Variants in WDR7 observed in about 807,000 individuals in gnomAD.
WDR7 encodes WD repeat domain 7, also known as WD repeat-containing protein 7.
Under a neutral mutation model 169.4 loss-of-function variants are expected in WDR7, and 46 were observed. The observed-to-expected ratio is 0.27, with a 90% CI of 0.21 to 0.35. WDR7 has a LOEUF of 0.35. Among genes scored for constraint, WDR7 ranks in the 10% least tolerant of loss-of-function variants. The pLI is 1.00. For missense variants in WDR7, 1,534 were observed against 1,859.3 expected (o/e 0.83, Z 3.22); for synonymous variants, 612 against 666.8 (o/e 0.92, Z 1.27).
At chr18:56,819,051 T>A (rs577786488) in intron 20 of WDR7, among the ~76,000 whole-genome samples, 1 of 152,254 alleles carries the variant, frequency 6.6e-6, no homozygotes, top group African/African-American at 2.4e-5. Flanking sequence ...AGATAACAAT[T>A]AAAATATGAG....
chr18:56,741,352 T>C (rs1005245912), intron 14 of WDR7, among the ~76,000 whole-genome samples: 4 of 152,198 alleles, frequency 2.6e-5, no homozygotes, highest in Admixed American at 2.6e-4. Flanking sequence ...AAATAATCTT[T>C]TGTCATTTTT....
chr18:56,981,479 A>T lies in WDR7; in HGVS notation c.4164+18950A>T, dbSNP rs182234472. On this transcript the variant is annotated intron_variant, in intron 26 of 27. Transcript: ENST00000254442. The stretch of plus-strand genomic sequence containing the variant: ...GATGTATTTAGAGCTATGGCAACAG[A>T]TAAATGTAGAGTGAGAAGAAAATAG... 5.9e-5 allele frequency among the ~76,000 whole-genome samples: 9 copies of T among 152,250 alleles called. No homozygotes were observed. In the Middle Eastern group the frequency reaches 0.014, roughly 230 times the overall value.
At chr18:56,721,685 C>T (rs1167513720) in intron 13 of WDR7, 2 of 152,204 alleles carry the variant, frequency 1.3e-5, no homozygotes, top group Non-Finnish European at 2.9e-5. Context: ...TATGCAGTGC[C>T]ATTCTCACAG....
intron 26 of WDR7, among the ~76,000 whole-genome samples, chr18:56,986,128 TTG>T (rs60449836): frequency 0.18 from 23,942 of 135,958 alleles, 2,013 homozygotes; most frequent in African/African-American, 0.19. Flanking sequence ...TTCAGCTTCT[TTG>T]TGTGTGTGTG....
chr18:56,721,126 G>A (rs1465635428), intron 13 of WDR7, among the ~76,000 whole-genome samples: 1 of 152,012 alleles, frequency 6.6e-6, no homozygotes, highest in Non-Finnish European at 1.5e-5. Flanking sequence ...AAACTCTGAG[G>A]AGATACTTGA....
At chr18:56,855,092 G>A (rs958524006) in intron 20 of WDR7, among the ~76,000 whole-genome samples, 2 of 152,026 alleles carry the variant, frequency 1.3e-5, no homozygotes, top group African/African-American at 2.4e-5. Context: ...TCTATCCAAC[G>A]CTTGACATTT....
intron 3 of WDR7, among the ~76,000 whole-genome samples, chr18:56,680,424 A>T (rs1447095289): frequency 6.6e-5 from 10 of 152,224 alleles, no homozygotes; most frequent in Non-Finnish European, 1.3e-4. Flanking sequence ...TCACTGGAAC[A>T]AAAAGAAGCA....
chr18:56,683,611 C>T (rs879464757), intron 5 of WDR7, among the ~76,000 whole-genome samples: 111 of 152,154 alleles, frequency 7.3e-4, no homozygotes, highest in Non-Finnish European at 1.2e-3. Flanking sequence ...CCATGCTAAG[C>T]ATTTACATAT....
At chr18:56,806,084 T>TC (rs78273744) in intron 19 of WDR7, among the ~76,000 whole-genome samples, 6,877 of 152,278 alleles carry the variant, frequency 0.045, 216 homozygotes, top group Middle Eastern at 0.095. Context: ...ATGTATTTCT[T>TC]CCTCTTCCCA....
At chr18:57,024,214 T>C (rs1455473810) in intron 27 of WDR7, among the ~76,000 whole-genome samples, 3 of 152,184 alleles carry the variant, frequency 2.0e-5, no homozygotes, top group Non-Finnish European at 4.4e-5. Context: ...CAGGAAAAAG[T>C]GAATGTTACC....
At chr18:56,693,052 G>A (rs144324468) in intron 9 of WDR7, among the ~76,000 whole-genome samples, 5 of 152,200 alleles carry the variant, frequency 3.3e-5, no homozygotes, top group Admixed American at 2.6e-4. Flanking sequence ...GCAACATGGC[G>A]AGACCCTGTC....
chr18:56,670,776 G>A (rs1251807529), intron 1 of WDR7, among the ~76,000 whole-genome samples: 3 of 152,146 alleles, frequency 2.0e-5, no homozygotes, highest in Non-Finnish European at 4.4e-5. Context: ...CTCCCAAAGT[G>A]CTGGGATTAC....
chr18:56,975,028 A>C (rs2047544732), intron 26 of WDR7, among the ~76,000 whole-genome samples: 1 of 152,064 alleles, frequency 6.6e-6, no homozygotes, highest in Non-Finnish European at 1.5e-5. Context: ...TCACGGGGTC[A>C]GGAGTTCGAG....
chr18:56,909,176 G>A (rs887475877), intron 21 of WDR7, among the ~76,000 whole-genome samples: 1 of 151,946 alleles, frequency 6.6e-6, no homozygotes, highest in Non-Finnish European at 1.5e-5. Context: ...ATTAAGCTTG[G>A]GATTAGAATC....
intron 25 of WDR7, among the ~76,000 whole-genome samples, chr18:56,959,741 A>G (rs1230830029): frequency 6.6e-6 from 1 of 152,188 alleles, no homozygotes; most frequent in Non-Finnish European, 1.5e-5. Flanking sequence ...TTTAAAAACT[A>G]TAACGGACCC....
chr18:56,699,853 T>A (rs2025783689), intron 12 of WDR7: 1 of 985,338 alleles, frequency 1.0e-6, no homozygotes, highest in African/African-American at 1.7e-5. Flanking sequence ...CAGCTGGAAG[T>A]TGGAGATGAG....
At chr18:56,949,887 T>C (rs749444538) in intron 25 of WDR7, among the ~76,000 whole-genome samples, 4 of 152,204 alleles carry the variant, frequency 2.6e-5, no homozygotes, top group Non-Finnish European at 5.9e-5. Context: ...ACTGCTGATC[T>C]CCTCAAAAAA....
In WDR7 at chr18:56,900,110, A is replaced by AT. The variant is rs1568256012; in HGVS notation, c.3526+19945_3526+19946insT. Among the ~76,000 whole-genome samples the AT allele has an allele frequency of 7.0e-3, 1,033 of 147,458 alleles. 14 individuals carry two copies. Among genetic ancestry groups the AT allele is most frequent in the East Asian group, 0.015 (76 of 5,012 alleles). On this transcript the variant is annotated intron_variant, in intron 21 of 27. Transcript: ENST00000254442. ...TATATATATATATATATATATATATAAAATTGTTAATGGCATTTTGATTTA... is the reference window on the plus strand; with the variant it reads ...TATATATATATATATATATATATATATAAATTGTTAATGGCATTTTGATTTA...
chr18:56,999,941 T>C (rs1158947525), intron 26 of WDR7, among the ~76,000 whole-genome samples: 2 of 152,032 alleles, frequency 1.3e-5, no homozygotes, highest in African/African-American at 4.8e-5. Flanking sequence ...TCAACAAAAT[T>C]CCCTCCACTT....
Sources: gnomAD v4.1 joint callset for allele counts (sites outside exome capture counted in the v4.1 genomes callset) on GRCh38, gnomAD v4.1.1 for gene constraint, MANE v1.5 for transcripts, NCBI Gene and HGNC (gene_info 2026-07-23, HGNC 2026-07-21) for gene names.